IL31RA: variants seen among roughly 807,000 people sequenced by gnomAD.
The protein encoded by IL31RA is interleukin 31 receptor A, also known as interleukin-31 receptor subunit alpha.
Under a neutral mutation model 83.7 loss-of-function variants are expected in IL31RA, and 66 were observed. The observed-to-expected ratio is 0.79, with a 90% CI of 0.65 to 0.97. IL31RA has a LOEUF of 0.97. IL31RA is among the 50% of genes least tolerant of loss of function. The pLI, the probability that IL31RA is intolerant of heterozygous loss-of-function variation, is 0.00. For missense variants in IL31RA, 798 were observed against 919.4 expected, an observed-to-expected ratio of 0.87 and a Z score of 1.71; for synonymous variants, 325 against 329.0, an observed-to-expected ratio of 0.99 and a Z score of 0.13.
intron 1 of IL31RA, chr5:55,853,280 T>A: frequency 8.4e-7 from 1 of 1,185,532 alleles, no homozygotes; most frequent in Non-Finnish European, 1.0e-6. Context: ...GATCCTTTTT[T>A]TTTGTAGAGT....
At chr5:55,867,221 TTGTGTGTGTG>T (rs1192139886) in intron 2 of IL31RA, among the ~76,000 whole-genome samples, 1 of 74,726 alleles carries the variant, frequency 1.3e-5, no homozygotes, top group African/African-American at 6.8e-5. Flanking sequence ...GCATGTGTGT[TTGTGTGTGTG>T]TTTGTGTGTG....
chr5:55,857,687 A>T (rs1327136682), intron 1 of IL31RA, among the ~76,000 whole-genome samples: 1 of 152,234 alleles, frequency 6.6e-6, no homozygotes, highest in Non-Finnish European at 1.5e-5. Context: ...CTACTGCAGA[A>T]ATATGACATG....
At chr5:55,902,273 A>G (rs961223415) in intron 8 of IL31RA, 4 of 152,140 alleles carry the variant, frequency 2.6e-5, no homozygotes, top group African/African-American at 9.7e-5. Flanking sequence ...AATCTAAAAT[A>G]TTTGCTATCT....
intron 6 of IL31RA, among the ~76,000 whole-genome samples, chr5:55,891,140 C>T (rs1747961060): frequency 6.6e-6 from 1 of 152,146 alleles, no homozygotes; most frequent in East Asian, 1.9e-4. Context: ...TATTTTTAAT[C>T]CTCCTTAAAG....
Position 55,922,521 on chromosome 5 carries a change from G to C in IL31RA, c.*5401G>C. 8.8e-7 allele frequency: 1 copy of C among 1,134,850 alleles called. No individual in the cohort carries two copies. 70.3% of individuals were successfully genotyped at this position (1,134,850 alleles called of 1,614,324 possible). Reference sequence around the variant, plus strand: ...TTTTCCAACTAGGAAGACTGAATCTGTGGCCCCAAGAGAACCATCTCTGAA... The same window carrying C: ...TTTTCCAACTAGGAAGACTGAATCTCTGGCCCCAAGAGAACCATCTCTGAA... On this transcript the variant is annotated 3_prime_UTR_variant, in exon 15 of 15. Coordinates refer to ENST00000652347, the MANE Select transcript of IL31RA (RefSeq NM_139017.7).
the IL31RA span, among the ~76,000 whole-genome samples, chr5:55,844,034 A>C: frequency 6.6e-6 from 1 of 152,144 alleles, no homozygotes; most frequent in Admixed American, 6.5e-5. Flanking sequence ...TTATTTTAGA[A>C]TCATGGGGTA....
intron 6 of IL31RA, among the ~76,000 whole-genome samples, chr5:55,894,830 C>A (rs1356209943): frequency 6.6e-6 from 1 of 152,206 alleles, no homozygotes; most frequent in Admixed American, 6.5e-5. Flanking sequence ...GATTCTCCTG[C>A]CTCAGCCTCC....
chr5:55,907,451 AAAG>A lies in IL31RA; in HGVS notation c.1349_1351del (p.Glu450del). 6.2e-7 allele frequency: 1 copy of A among 1,608,098 alleles called. No individual in the cohort carries two copies. Among genetic ancestry groups the A allele is most frequent in the South Asian group, 1.1e-5 (1 of 90,980 alleles). ...GCCATATTCCATCCAGGCTTATGCCAAAGAAGGCGGTATGAATGGACAAGACCC... is the reference window on the plus strand; with the variant it reads ...GCCATATTCCATCCAGGCTTATGCCAAAGGCGGTATGAATGGACAAGACCC... On this transcript the variant is annotated inframe_deletion, in exon 10 of 15. Coordinates refer to ENST00000652347, the MANE Select transcript of IL31RA (RefSeq NM_139017.7).
upstream of IL31RA, among the ~76,000 whole-genome samples, chr5:55,848,957 T>C (rs1024531431): frequency 1.6e-4 from 25 of 152,282 alleles, no homozygotes; most frequent in African/African-American, 4.3e-4. Flanking sequence ...ACAAATCACA[T>C]TGCTCCTCCT....
intron 13 of IL31RA, among the ~76,000 whole-genome samples, chr5:55,914,612 G>A (rs161702): frequency 0.78 from 118,208 of 152,062 alleles, 45,999 homozygotes; most frequent in East Asian, 0.82. Context: ...GGGGAAGATA[G>A]GCTTTGTATG....
chr5:55,893,881 AG>A (rs1748172080), intron 6 of IL31RA, among the ~76,000 whole-genome samples: 1 of 145,058 alleles, frequency 6.9e-6, no homozygotes, highest in Admixed American at 7.1e-5. Flanking sequence ...GTGAGATCTC[AG>A]CTCACTGCAG....
At chr5:55,891,703 T>C (rs748257077) in intron 6 of IL31RA, among the ~76,000 whole-genome samples, 3 of 148,356 alleles carry the variant, frequency 2.0e-5, no homozygotes, top group Non-Finnish European at 4.5e-5. Flanking sequence ...TAATCACATC[T>C]GCAAAGTCCC....
intron 10 of IL31RA, 106 bp downstream of exon 10, chr5:55,907,566 C>T (rs981477311): frequency 3.9e-6 from 3 of 778,176 alleles, no homozygotes; most frequent in Non-Finnish European, 6.9e-6. Flanking sequence ...TCTTAGGGCT[C>T]ATTTGTGCTT....
intron 2 of IL31RA, among the ~76,000 whole-genome samples, chr5:55,862,765 C>A (rs1304612431): frequency 6.6e-6 from 1 of 152,160 alleles, no homozygotes; most frequent in Non-Finnish European, 1.5e-5. Context: ...GTTGAATTGT[C>A]ATGTCTCCTT....
intron 4 of IL31RA, among the ~76,000 whole-genome samples, chr5:55,875,619 GAT>G (rs1163587449): frequency 6.6e-6 from 1 of 152,028 alleles, no homozygotes; most frequent in Non-Finnish European, 1.5e-5. Context: ...AAGGGGACAA[GAT>G]TATTCACTTT....
At chr5:55,867,472 T>C (rs1242588730) in intron 2 of IL31RA, among the ~76,000 whole-genome samples, 1 of 151,062 alleles carries the variant, frequency 6.6e-6, no homozygotes, top group African/African-American at 2.4e-5. Flanking sequence ...ATCAAAATAT[T>C]AATGAAATCA....
chr5:55,873,799 C>G (rs1184585844), intron 4 of IL31RA, among the ~76,000 whole-genome samples: 1 of 151,980 alleles, frequency 6.6e-6, no homozygotes, highest in Non-Finnish European at 1.5e-5. Flanking sequence ...GGCACAAGTT[C>G]CTTATCAGAT....
chr5:55,907,662 C>T (rs868375128), intron 10 of IL31RA, among the ~76,000 whole-genome samples: 1 of 152,188 alleles, frequency 6.6e-6, no homozygotes, highest in African/African-American at 2.4e-5. Flanking sequence ...CCAATCCCCT[C>T]ATTTCACAAA....
In IL31RA at chr5:55,858,646, T is replaced by C. The variant is rs1480807945; in HGVS notation, c.64-863T>C. Among the ~76,000 whole-genome samples the C allele has an allele frequency of 3.9e-5, 6 of 152,280 alleles. No homozygotes were observed. The East Asian group carries it at 1.2e-3, about 29-fold the overall frequency. On this transcript the variant is annotated intron_variant, in intron 1 of 14. Transcript: ENST00000652347. ...CTTTTCTTTTTTTTTTCTATAATGA[T>C]CTGGCAGATGAAAATGTAACATCAT...
Sources: gnomAD v4.1 joint callset for allele counts (sites outside exome capture counted in the v4.1 genomes callset) on GRCh38, gnomAD v4.1.1 for gene constraint, MANE v1.5 for transcripts, NCBI Gene and HGNC (gene_info 2026-07-23, HGNC 2026-07-21) for gene names.